NELL1: variants seen among roughly 807,000 people sequenced by gnomAD.
NELL1 encodes neural EGFL like 1, also known as protein kinase C-binding protein NELL1.
Under a neutral mutation model 107.4 loss-of-function variants are expected in NELL1, and 76 were observed. The ratio of observed to expected loss-of-function variants is 0.71; its 90% CI spans 0.59 to 0.86. NELL1 has a LOEUF of 0.86. NELL1 is among the 40% of genes least tolerant of loss of function. The probability of loss-of-function intolerance (pLI) is 0.00; values close to 1 mark genes in which losing one functional copy is unlikely to be tolerated. For synonymous variants in NELL1, 353 were observed against 341.2 expected (o/e 1.03, Z -0.38); for missense variants, 1,024 against 1,005.5 (o/e 1.02, Z -0.25).
chr11:21,128,787 G>A (rs1855548302), intron 13 of NELL1, among the ~76,000 whole-genome samples: 1 of 152,156 alleles, frequency 6.6e-6, no homozygotes, highest in Non-Finnish European at 1.5e-5. Flanking sequence ...ACAGTACAGG[G>A]GAGGGAATCA....
At chr11:21,108,314 C>G (rs1855019204) in intron 12 of NELL1, among the ~76,000 whole-genome samples, 1 of 152,086 alleles carries the variant, frequency 6.6e-6, no homozygotes, top group East Asian at 1.9e-4. Flanking sequence ...TGTGTTTGTT[C>G]TGAACTCTTA....
intron 18 of NELL1, among the ~76,000 whole-genome samples, chr11:21,572,132 A>G (rs949092485): frequency 1.3e-5 from 2 of 151,872 alleles, no homozygotes; most frequent in African/African-American, 4.8e-5. Flanking sequence ...CTGTAGAATT[A>G]GTTTCCCTAT....
chr11:20,813,568 C>T (rs1857550495), intron 3 of NELL1, among the ~76,000 whole-genome samples: 1 of 152,168 alleles, frequency 6.6e-6, no homozygotes, highest in South Asian at 2.1e-4. Flanking sequence ...AATAATTTAT[C>T]TCTTTCTGAG....
chr11:20,671,602 C>A (rs527687322), intron 1 of NELL1, among the ~76,000 whole-genome samples: 5 of 152,082 alleles, frequency 3.3e-5, no homozygotes, highest in Admixed American at 2.0e-4. Flanking sequence ...GTAAAAATTT[C>A]GTTGTAGGGG....
intron 14 of NELL1, among the ~76,000 whole-genome samples, chr11:21,265,876 T>A (rs1848623727): frequency 1.3e-5 from 2 of 152,054 alleles, no homozygotes; most frequent in Non-Finnish European, 2.9e-5. Flanking sequence ...TTCTTAGTTT[T>A]TCATTCAAGG....
intron 15 of NELL1, among the ~76,000 whole-genome samples, chr11:21,507,569 T>C (rs939094266): frequency 1.6e-4 from 25 of 152,284 alleles, no homozygotes; most frequent in Middle Eastern, 3.4e-3. Flanking sequence ...CTTACATTGC[T>C]TTTTTGAGGT....
rs544536826 is a variant in NELL1, at chr11:20,887,831, A to T, written c.603+2291A>T. Reference sequence around the variant, plus strand: ...TTGGAGAAAGTCACTTTTGATGTAGACCTCAAAGGATGCCCACAGATTAAG... The same window carrying T: ...TTGGAGAAAGTCACTTTTGATGTAGTCCTCAAAGGATGCCCACAGATTAAG... On this transcript the variant is annotated intron_variant, in intron 5 of 19. Coordinates refer to ENST00000357134, the MANE Select transcript of NELL1 (RefSeq NM_006157.5). Among the ~76,000 whole-genome samples, 5 of 152,292 alleles carry T rather than the reference A, an allele frequency of 3.3e-5. No homozygotes were observed. The East Asian group carries it at 7.7e-4, about 23-fold the overall frequency.
chr11:20,974,025 C>T (rs10833420), intron 12 of NELL1, among the ~76,000 whole-genome samples: 49,476 of 152,066 alleles, frequency 0.33, 10,006 homozygotes, highest in Non-Finnish European at 0.42. Context: ...AATAAGTTTA[C>T]TTGTTTAGGC....
At chr11:21,456,596 A>G (rs564452187) in intron 15 of NELL1, among the ~76,000 whole-genome samples, 1 of 152,118 alleles carries the variant, frequency 6.6e-6, no homozygotes, top group African/African-American at 2.4e-5. Flanking sequence ...TAGTTTCATT[A>G]TATTGATCTT....
At chr11:20,984,626 A>G (rs982068379) in intron 12 of NELL1, among the ~76,000 whole-genome samples, 13 of 151,746 alleles carry the variant, frequency 8.6e-5, no homozygotes, top group African/African-American at 4.8e-5. Context: ...CTTTACGGCC[A>G]TCTCCTCCTT....
intron 5 of NELL1, among the ~76,000 whole-genome samples, chr11:20,899,576 A>G (rs1205614289): frequency 6.6e-6 from 1 of 152,126 alleles, no homozygotes; most frequent in South Asian, 2.1e-4. Flanking sequence ...AGAACAACAG[A>G]ATGTATACAA....
chr11:21,554,358 G>C (rs905927872), intron 16 of NELL1, among the ~76,000 whole-genome samples: 1 of 151,822 alleles, frequency 6.6e-6, no homozygotes, highest in African/African-American at 2.4e-5. Flanking sequence ...TCAGATTAAG[G>C]CTCAGAGAAA....
chr11:21,321,642 A>G (rs1850013467), intron 14 of NELL1, among the ~76,000 whole-genome samples: 1 of 152,226 alleles, frequency 6.6e-6, no homozygotes, highest in Admixed American at 6.5e-5. Context: ...AAATAACTCT[A>G]TGAGTATTTC....
chr11:20,886,834 AAAT>A (rs2134109173), intron 5 of NELL1, among the ~76,000 whole-genome samples: 1 of 152,304 alleles, frequency 6.6e-6, no homozygotes, highest in Admixed American at 6.5e-5. Context: ...AAGTATAATA[AAAT>A]AATACCAAAA....
chr11:21,568,083 A>G (rs1857011852), intron 17 of NELL1, among the ~76,000 whole-genome samples: 1 of 151,848 alleles, frequency 6.6e-6, no homozygotes, highest in South Asian at 2.1e-4. Flanking sequence ...TATCAACATC[A>G]TAGAGTATAT....
intron 15 of NELL1, among the ~76,000 whole-genome samples, chr11:21,520,731 A>G (rs891946624): frequency 1.3e-5 from 2 of 151,958 alleles, no homozygotes. Context: ...CTTAAGATTC[A>G]AGTGCTCAGC....
At chr11:20,862,605 C>CTTTTTTTTTTT (rs386373288) in intron 4 of NELL1, among the ~76,000 whole-genome samples, 11 of 94,672 alleles carry the variant, frequency 1.2e-4, no homozygotes, top group African/African-American at 2.0e-4. Flanking sequence ...TGAGCTGCTG[C>CTTTTTTTTTTT]TTTTTTTTTT....
At chr11:21,438,153 G>A (rs1853177889) in intron 15 of NELL1, among the ~76,000 whole-genome samples, 1 of 151,978 alleles carries the variant, frequency 6.6e-6, no homozygotes, top group African/African-American at 2.4e-5. Context: ...TTTTTCTGTA[G>A]TGCCACTCTA....
At chr11:20,920,465 T>G (rs11821329) in intron 7 of NELL1, among the ~76,000 whole-genome samples, 3,119 of 152,182 alleles carry the variant, frequency 0.02, 120 homozygotes, top group African/African-American at 0.071. Context: ...GATGGAAAAC[T>G]TTTGTAAGAA....
Sources: gnomAD v4.1 joint callset for allele counts (sites outside exome capture counted in the v4.1 genomes callset) on GRCh38, gnomAD v4.1.1 for gene constraint, MANE v1.5 for transcripts, NCBI Gene and HGNC (gene_info 2026-07-23, HGNC 2026-07-21) for gene names.